The following CTDSP2 variants were observed in gnomAD, a reference collection of about 807,000 sequenced individuals.
The protein encoded by CTDSP2 is carboxy-terminal domain RNA polymerase II polypeptide A small phosphatase 2.
CTDSP2 carries 9 observed loss-of-function variants against 31.6 expected under a neutral mutation model. The observed-to-expected ratio is 0.28, with a 90% confidence interval of 0.17 to 0.50. The LOEUF (loss-of-function observed/expected upper bound fraction) is 0.50, where lower values mean the gene tolerates loss of function less well. Ranked by LOEUF, CTDSP2 falls within the 20% of genes least tolerant of loss-of-function variation. CTDSP2 has a pLI of 0.98. For missense variants in CTDSP2, 267 were observed against 348.5 expected, an observed-to-expected ratio of 0.77 and a Z score of 1.86; for synonymous variants, 134 against 134.5, an observed-to-expected ratio of 1.00 and a Z score of 0.03.
At chr12:57,825,184 G>A (rs868530582) in intron 5 of CTDSP2, among the ~76,000 whole-genome samples, 10 of 152,018 alleles carry the variant, frequency 6.6e-5, no homozygotes, top group Admixed American at 4.6e-4. Flanking sequence ...CATTACTCCC[G>A]AGCTCAAAGA....
Position 57,821,569 on chromosome 12 carries a change from G to A in CTDSP2, c.*2033C>T, listed in dbSNP as rs1956145024. 6.6e-6 allele frequency: 1 copy of A among 152,610 alleles called. No individual in the cohort carries two copies. 9.5% of individuals were successfully genotyped at this position (152,610 alleles called of 1,614,324 possible). ...TTGGCCAAGGGCTAACCCTTAGGGT[G>A]GGGCTTGGAAGAGAGGCCCCTCCTG... On this transcript the variant is annotated 3_prime_UTR_variant, in exon 8 of 8. Coordinates refer to ENST00000398073, the MANE Select transcript of CTDSP2 (RefSeq NM_005730.4).
rs1226659195 is a variant in CTDSP2 at position 57,821,183 on chromosome 12, G to T, written c.*2419C>A. On this transcript the variant is annotated 3_prime_UTR_variant, in exon 8 of 8. Coordinates refer to ENST00000398073, the MANE Select transcript of CTDSP2 (RefSeq NM_005730.4). The stretch of plus-strand genomic sequence containing the variant: ...TGACTAGGCTGGCTCTGGTCCACAA[G>T]AACAGACCCTGGCTAGGTTTGGCCG... The T allele has an allele frequency of 6.6e-6, 1 of 152,280 alleles. No homozygotes were observed. 9.4% of individuals were successfully genotyped at this position (152,280 alleles called of 1,614,324 possible).
At position 57,830,380 on chromosome 12, in the gene CTDSP2, G is replaced by A. The variant is rs149963543; in HGVS notation, c.65-784C>T. Among the ~76,000 whole-genome samples, 960 of 151,946 alleles carry A rather than the reference G, an allele frequency of 6.3e-3. 15 individuals are homozygous for A. Among genetic ancestry groups the A allele is most frequent in the African/African-American group, 0.022 (900 of 41,458 alleles). ...AGCCTGGATGACAGAGTGAGACTCC[G>A]TCTCAAAAAAACAACAACAAAAACA... is the stretch of plus-strand genomic sequence containing the variant. On this transcript the variant is annotated intron_variant, in intron 1 of 7. Coordinates refer to ENST00000398073, the MANE Select transcript of CTDSP2 (RefSeq NM_005730.4).
At chr12:57,841,033 T>C (rs1055575915) in intron 1 of CTDSP2, among the ~76,000 whole-genome samples, 1 of 152,230 alleles carries the variant, frequency 6.6e-6, no homozygotes, top group African/African-American at 2.4e-5. Context: ...CAGTTTTAAG[T>C]CGTCAACTTA....
chr12:57,831,273 T>C (rs376221164), intron 1 of CTDSP2, among the ~76,000 whole-genome samples: 35 of 151,810 alleles, frequency 2.3e-4, no homozygotes, highest in African/African-American at 8.2e-4. Flanking sequence ...CTGGCCCACA[T>C]GGTGAAACCC....
chr12:57,837,417 C>T (rs1044588315), intron 1 of CTDSP2, among the ~76,000 whole-genome samples: 8 of 152,190 alleles, frequency 5.3e-5, no homozygotes, highest in Non-Finnish European at 1.0e-4. Flanking sequence ...ACTGCATGGG[C>T]ATTTTTTGAA....
At chr12:57,825,205 G>A (rs1000709137) in intron 5 of CTDSP2, among the ~76,000 whole-genome samples, 5 of 152,086 alleles carry the variant, frequency 3.3e-5, no homozygotes, top group African/African-American at 1.2e-4. Context: ...GAGTCGGCCT[G>A]CTGTGACTCT....
Position 57,822,674 on chromosome 12 carries a change from C to CA in CTDSP2, c.*927dup, listed in dbSNP as rs1288044043. On this transcript the variant is annotated 3_prime_UTR_variant, in exon 8 of 8. Transcript: ENST00000398073. ...GAAATGATCCCGAGCTTAGCTGATC[C>CA]ACAAGCCATGGGGACACACGTCCAC... The CA allele has an allele frequency of 1.3e-5, 2 of 152,280 alleles. No homozygotes were observed. Among genetic ancestry groups the CA allele is most frequent in the African/African-American group, 4.8e-5 (2 of 41,466 alleles). The allele number at this position is 152,280 out of a possible 1,614,324, so 9.4% of individuals were successfully genotyped here. A position where few individuals can be genotyped will look rare whatever the true frequency, so the allele number is the denominator to read the frequency against.
At chr12:57,845,344 A>G (rs1352866099) in intron 1 of CTDSP2, 4 of 152,228 alleles carry the variant, frequency 2.6e-5, no homozygotes, top group African/African-American at 4.8e-5. Context: ...GGAGGGGGAA[A>G]GAGTTTCGAG....
At chr12:57,832,980 G>C (rs1242660560) in intron 1 of CTDSP2, among the ~76,000 whole-genome samples, 1 of 152,016 alleles carries the variant, frequency 6.6e-6, no homozygotes, top group African/African-American at 2.4e-5. Flanking sequence ...CTGACACAAA[G>C]CTCCAAGACC....
At chr12:57,835,689 C>G (rs1387770562) in intron 1 of CTDSP2, among the ~76,000 whole-genome samples, 2 of 152,198 alleles carry the variant, frequency 1.3e-5, no homozygotes, top group African/African-American at 4.8e-5. Flanking sequence ...ATGAGGGAAG[C>G]AGCTCTGGCT....
Position 57,823,613 on chromosome 12 carries a change from G to C in CTDSP2, c.805C>G (p.Arg269Gly). 1.9e-6 allele frequency: 3 copies of C among 1,613,890 alleles called. No homozygotes were observed. Among genetic ancestry groups the C allele is most frequent in the South Asian group, 1.1e-5 (1 of 91,056 alleles). ...GGAAGCAGGGCAGGCTAAGGGGCCCGCAGCTGCCCAAGGCTGGTGTAGACG... is the reference window on the plus strand; with the variant it reads ...GGAAGCAGGGCAGGCTAAGGGGCCCCCAGCTGCCCAAGGCTGGTGTAGACG... ...EDVYTSLGQL[R>G]AP is the part of the protein sequence containing the mutation. Residue 269 changes from arginine to glycine, a missense_variant, in exon 8 of 8, where the codon CGG becomes GGG. By Grantham distance (125) the Arg-to-Gly change is moderately radical. Coordinates refer to ENST00000398073, the MANE Select transcript of CTDSP2 (RefSeq NM_005730.4).
chr12:57,829,342 CTT>C, intron 2 of CTDSP2, 104 bp downstream of exon 2: 4 of 1,348,602 alleles, frequency 3.0e-6, no homozygotes, highest in Non-Finnish European at 4.1e-6. Flanking sequence ...AGCCAGAAAT[CTT>C]TGCAACTTCA....
intron 5 of CTDSP2, 60 bp from the exon 6 acceptor site, chr12:57,824,379 G>A (rs773891394): frequency 8.1e-7 from 1 of 1,242,232 alleles, no homozygotes; most frequent in Admixed American, 1.7e-5. Flanking sequence ...TGCAGTACTG[G>A]GTACCTTCAC....
intron 1 of CTDSP2, among the ~76,000 whole-genome samples, chr12:57,842,056 C>G (rs775778171): frequency 2.0e-5 from 3 of 152,024 alleles, no homozygotes; most frequent in Non-Finnish European, 4.4e-5. Context: ...CCCACTCTGT[C>G]CAATCTAAGA....
chr12:57,828,867 C>T (rs1956198786), intron 2 of CTDSP2, among the ~76,000 whole-genome samples: 1 of 152,182 alleles, frequency 6.6e-6, no homozygotes, highest in South Asian at 2.1e-4. Flanking sequence ...TAAAAAATAC[C>T]CACAAAATCC....
intron 4 of CTDSP2, 30 bp downstream of exon 4, chr12:57,826,966 A>G: frequency 6.6e-7 from 1 of 1,514,624 alleles, no homozygotes; most frequent in Non-Finnish European, 9.1e-7. Flanking sequence ...CCCAAGATAA[A>G]GGTAGGAAGG....
rs1219516718 is a variant in CTDSP2, at chr12:57,846,367, C to A, written c.64+5G>T. Reference sequence around the variant, plus strand: ...CGCAAAGTTTTGGGAAGTTGCTGCCCCTACCTTGCTTGGTGAGCACCAGGG... The same window carrying A: ...CGCAAAGTTTTGGGAAGTTGCTGCCACTACCTTGCTTGGTGAGCACCAGGG... On this transcript the variant is annotated splice_donor_5th_base_variant and intron_variant, in intron 1 of 7. Coordinates refer to ENST00000398073, the MANE Select transcript of CTDSP2 (RefSeq NM_005730.4). The A allele has an allele frequency of 1.2e-6, 2 of 1,606,210 alleles. No homozygotes were observed. The highest frequency in any genetic ancestry group is 1.7e-6 in the Non-Finnish European group (2 of 1,176,634).
rs772806247 is a variant in CTDSP2 at position 57,824,266 on chromosome 12, T to C, written c.465A>G (p.Glu155=). Residue 155 remains glutamate, a synonymous_variant, in exon 6 of 8, where the codon GAA becomes GAG. Transcript: ENST00000398073. ...CAGTGAAGAGAACACATTCAAAGAG[T>C]TCCCCCATGCGTCTCAGGAACTCAT... ...YVDEFLRRMG[E]LFECVLFTAS... is the part of the protein sequence containing the mutation. 3 of 1,613,880 alleles carry C rather than the reference T, an allele frequency of 1.9e-6. No homozygotes were observed. In the African/African-American group the frequency reaches 4.0e-5, roughly 22 times the overall value.
Sources: gnomAD v4.1 joint callset for allele counts (sites outside exome capture counted in the v4.1 genomes callset) on GRCh38, gnomAD v4.1.1 for gene constraint, MANE v1.5 for transcripts, NCBI Gene and HGNC (gene_info 2026-07-23, HGNC 2026-07-21) for gene names.